Variants in ST6GALNAC3 observed in about 807,000 individuals in gnomAD.
ST6GALNAC3 encodes the protein ST6 N-acetylgalactosaminide alpha-2,6-sialyltransferase 3, also known as alpha-N-acetylgalactosaminide alpha-2,6-sialyltransferase 3.
ST6GALNAC3 carries 25 observed loss-of-function variants against 32.7 expected under a neutral mutation model. That is an observed-to-expected ratio of 0.76 (90% CI 0.56 to 1.07). The LOEUF (loss-of-function observed/expected upper bound fraction) is 1.07. ST6GALNAC3 is among the 50% of genes least tolerant of loss of function. The probability of loss-of-function intolerance (pLI) is 0.00; values close to 1 mark genes in which losing one functional copy is unlikely to be tolerated. For synonymous variants in ST6GALNAC3, 129 were observed against 133.1 expected (o/e 0.97, Z 0.21); for missense variants, 355 against 382.4 (o/e 0.93, Z 0.60).
intron 2 of ST6GALNAC3, among the ~76,000 whole-genome samples, chr1:76,399,356 G>A (rs1653229403): frequency 1.3e-5 from 2 of 152,142 alleles, no homozygotes; most frequent in South Asian, 2.1e-4. Flanking sequence ...TGAAATTTGT[G>A]TATAAGTAAG....
intron 3 of ST6GALNAC3, among the ~76,000 whole-genome samples, chr1:76,536,111 A>G (rs1334651392): frequency 2.6e-5 from 4 of 152,182 alleles, no homozygotes; most frequent in Admixed American, 2.6e-4. Context: ...CATATAAGCT[A>G]GAAATTTTTG....
chr1:76,584,130 G>C (rs1285465557), intron 3 of ST6GALNAC3, among the ~76,000 whole-genome samples: 1 of 152,148 alleles, frequency 6.6e-6, no homozygotes, highest in Admixed American at 6.5e-5. Flanking sequence ...CCTATCTTTT[G>C]CATGGGGAGT....
chr1:76,365,289 A>T (rs1463762789), intron 2 of ST6GALNAC3, among the ~76,000 whole-genome samples: 1 of 152,208 alleles, frequency 6.6e-6, no homozygotes, highest in Non-Finnish European at 1.5e-5. Context: ...ACCCATGGAC[A>T]TATAGAAGGA....
At chr1:76,483,795 C>A (rs183255146) in intron 3 of ST6GALNAC3, among the ~76,000 whole-genome samples, 1 of 152,224 alleles carries the variant, frequency 6.6e-6, no homozygotes, top group East Asian at 1.9e-4. Flanking sequence ...AAGTCCTTGC[C>A]CATGCCTATG....
rs186455639 is a variant in ST6GALNAC3 at position 76,577,533 on chromosome 1, A to T, written c.624-49919A>T. Among the ~76,000 whole-genome samples, 42 of 152,096 alleles carry T rather than the reference A, an allele frequency of 2.8e-4. No homozygotes were observed. In the East Asian group the frequency reaches 6.4e-3, roughly 23 times the overall value. On this transcript the variant is annotated intron_variant, in intron 3 of 4. Transcript: ENST00000328299. Reference sequence around the variant, plus strand: ...ATTCATTTTCTTATAGACCTTGAAAACTGGGCATGTATTCCTCCTCCAGCT... The same window carrying T: ...ATTCATTTTCTTATAGACCTTGAAATCTGGGCATGTATTCCTCCTCCAGCT...
intron 3 of ST6GALNAC3, among the ~76,000 whole-genome samples, chr1:76,565,510 C>T (rs1665500663): frequency 6.6e-6 from 1 of 152,116 alleles, no homozygotes; most frequent in African/African-American, 2.4e-5. Flanking sequence ...CTTGAACGGG[C>T]TTCCTCGAAG....
intron 2 of ST6GALNAC3, 87 bp from the exon 3 acceptor site, chr1:76,411,921 C>T: frequency 1.4e-6 from 2 of 1,391,262 alleles, no homozygotes; most frequent in Non-Finnish European, 2.0e-6. Context: ...GGTAATTATA[C>T]AATATATGAA....
At chr1:76,595,586 C>A (rs1250046020) in intron 3 of ST6GALNAC3, among the ~76,000 whole-genome samples, 1 of 152,060 alleles carries the variant, frequency 6.6e-6, no homozygotes, top group Non-Finnish European at 1.5e-5. Context: ...CATTTCAAGT[C>A]CCTGAAACCT....
chr1:76,490,656 T>C (rs1244371032), intron 3 of ST6GALNAC3, among the ~76,000 whole-genome samples: 2 of 151,786 alleles, frequency 1.3e-5, no homozygotes, highest in African/African-American at 4.8e-5. Flanking sequence ...CTCAGAGCTT[T>C]TCTAATATCT....
At chr1:76,091,383 T>A (rs1035208181) in intron 1 of ST6GALNAC3, among the ~76,000 whole-genome samples, 11 of 152,250 alleles carry the variant, frequency 7.2e-5, no homozygotes, top group African/African-American at 2.7e-4. Flanking sequence ...CAGTAAATGC[T>A]TGTTATCTGA....
intron 3 of ST6GALNAC3, among the ~76,000 whole-genome samples, chr1:76,464,069 A>G (rs2101605559): frequency 6.6e-6 from 1 of 152,156 alleles, no homozygotes; most frequent in African/African-American, 2.4e-5. Flanking sequence ...CCTATAGGGT[A>G]CTGTGCCATC....
At chr1:76,516,328 T>C (rs887413678) in intron 3 of ST6GALNAC3, among the ~76,000 whole-genome samples, 2 of 152,236 alleles carry the variant, frequency 1.3e-5, no homozygotes, top group East Asian at 3.9e-4. Flanking sequence ...TACATTTCCT[T>C]CTTTTTTCTA....
chr1:76,600,664 C>T (rs1241201289), intron 3 of ST6GALNAC3, among the ~76,000 whole-genome samples: 1 of 152,134 alleles, frequency 6.6e-6, no homozygotes, highest in Non-Finnish European at 1.5e-5. Context: ...GTCTTGAAGA[C>T]GTCTGTCTTG....
chr1:76,154,177 G>A (rs1651237234), intron 1 of ST6GALNAC3, among the ~76,000 whole-genome samples: 1 of 152,152 alleles, frequency 6.6e-6, no homozygotes, highest in Admixed American at 6.5e-5. Flanking sequence ...ACACCACCAA[G>A]ATCATGAGGA....
intron 3 of ST6GALNAC3, among the ~76,000 whole-genome samples, chr1:76,564,326 C>T (rs991836240): frequency 1.3e-5 from 2 of 152,094 alleles, no homozygotes; most frequent in Non-Finnish European, 2.9e-5. Context: ...ACTTTTAAAC[C>T]TACTTTGTAT....
At chr1:76,295,838 T>G (rs1299292031) in intron 1 of ST6GALNAC3, among the ~76,000 whole-genome samples, 1 of 152,078 alleles carries the variant, frequency 6.6e-6, no homozygotes, top group African/African-American at 2.4e-5. Context: ...TTTCTTAGTC[T>G]CAGCTTCCTG....
intron 2 of ST6GALNAC3, among the ~76,000 whole-genome samples, chr1:76,341,690 T>TTTTC (rs1648048379): frequency 8.1e-6 from 1 of 123,602 alleles, no homozygotes; most frequent in African/African-American, 3.1e-5. Flanking sequence ...TCCTTCTTTC[T>TTTTC]TTCTTTCTTT....
chr1:76,565,517 G>A (rs1665501210), intron 3 of ST6GALNAC3, among the ~76,000 whole-genome samples: 2 of 152,066 alleles, frequency 1.3e-5, no homozygotes, highest in African/African-American at 4.8e-5. Context: ...GGGCTTCCTC[G>A]AAGTCATCTC....
intron 3 of ST6GALNAC3, among the ~76,000 whole-genome samples, chr1:76,575,078 T>G (rs565273673): frequency 6.6e-6 from 1 of 152,294 alleles, no homozygotes; most frequent in Non-Finnish European, 1.5e-5. Flanking sequence ...GAAGAGACTC[T>G]AACATGCAGA....
Sources: allele counts gnomAD v4.1 joint callset (sites outside exome capture counted in the v4.1 genomes callset), GRCh38; gene constraint gnomAD v4.1.1; transcripts MANE v1.5; gene names NCBI Gene and HGNC (gene_info 2026-07-23, HGNC 2026-07-21).